The following DHX57 variants were observed in gnomAD, a reference collection of about 807,000 sequenced individuals.
The protein encoded by DHX57 is putative ATP-dependent RNA helicase DHX57.
Under a neutral mutation model 156.2 loss-of-function variants are expected in DHX57, and 105 were observed. That is an observed-to-expected ratio of 0.67 (90% CI 0.57 to 0.79). DHX57 has a LOEUF of 0.79. Among genes scored for constraint, DHX57 ranks in the 30% least tolerant of loss-of-function variants. The pLI is 0.00. For missense variants in DHX57, 1,847 were observed against 1,661.9 expected (o/e 1.11, Z -1.94); for synonymous variants, 704 against 595.6 (o/e 1.18, Z -2.65).
In DHX57 at chr2:38,868,286, G is replaced by A. The variant is rs772879942; in HGVS notation, c.120C>T (p.Gly40=). The change falls in exon 2 of 24, where the codon GGC becomes GGT. Residue 40 remains glycine, a synonymous_variant. Coordinates refer to ENST00000457308, the MANE Select transcript of DHX57 (RefSeq NM_198963.3). ...CGCCACCTCCACCACCACCACCACC[G>A]CCACCGCCACCACTCCCATGAGATT... The part of the protein sequence containing the change: ...ASKSHGSGGG[G]GGGGGGGGGN... The A allele has an allele frequency of 2.9e-5, 33 of 1,120,122 alleles. No homozygotes were observed. Among genetic ancestry groups the A allele is most frequent in the Non-Finnish European group, 3.7e-5 (29 of 794,508 alleles). The allele number at this position is 1,120,122 out of a possible 1,614,324, so 69.4% of individuals were successfully genotyped here.
At position 38,860,968 on chromosome 2, in the gene DHX57, C is replaced by G. The variant is rs768656550; in HGVS notation, c.1411+31G>C. 84 of 1,573,484 alleles carry G rather than the reference C, an allele frequency of 5.3e-5. No individual in the cohort carries two copies. The South Asian group carries it at 8.2e-4, about 15-fold the overall frequency. Reference sequence around the variant, plus strand: ...ACTTCTAAACCCATCATTCTGAATGCCTCCCTCCACAAGATCAATGCCTTA... The same window carrying G: ...ACTTCTAAACCCATCATTCTGAATGGCTCCCTCCACAAGATCAATGCCTTA... On this transcript the variant is annotated intron_variant, in intron 5 of 23. Transcript: ENST00000457308.
chr2:38,874,446 G>A (rs1665506887), intron 1 of DHX57, among the ~76,000 whole-genome samples: 1 of 111,868 alleles, frequency 8.9e-6, no homozygotes, highest in Non-Finnish European at 1.7e-5. Context: ...GTCTCACTCT[G>A]TCGCCCAGGC....
chr2:38,813,514 G>A (rs1670377427), intron 21 of DHX57, among the ~76,000 whole-genome samples: 2 of 151,736 alleles, frequency 1.3e-5, no homozygotes, highest in Admixed American at 6.6e-5. Context: ...GGGACTACAG[G>A]TGCCCGCCAC....
chr2:38,811,564 T>A, intron 21 of DHX57: 1 of 1,297,744 alleles, frequency 7.7e-7, no homozygotes, highest in African/African-American at 1.5e-5. Flanking sequence ...TAGGCAATAA[T>A]GTCATAGCCT....
intron 12 of DHX57, among the ~76,000 whole-genome samples, chr2:38,839,596 C>T (rs1671871309): frequency 6.6e-6 from 1 of 151,400 alleles, no homozygotes; most frequent in African/African-American, 2.4e-5. Context: ...TGGTGGGTGC[C>T]TGTAATCCCA....
At chr2:38,798,584 C>T in intron 23 of DHX57, 142 bp from the exon 24 acceptor site, 1 of 926,574 alleles carries the variant, frequency 1.1e-6, no homozygotes, top group Non-Finnish European at 1.6e-6. Context: ...ACCCTAAATA[C>T]ATTTTCATTT....
intron 1 of DHX57, among the ~76,000 whole-genome samples, chr2:38,872,796 C>T (rs542832997): frequency 1.4e-4 from 21 of 151,960 alleles, no homozygotes; most frequent in Non-Finnish European, 2.9e-4. Flanking sequence ...ACTACAGTAC[C>T]TCACTTTTAA....
At chr2:38,872,658 G>A (rs1429116787) in intron 1 of DHX57, among the ~76,000 whole-genome samples, 1 of 152,192 alleles carries the variant, frequency 6.6e-6, no homozygotes, top group Non-Finnish European at 1.5e-5. Context: ...TGATAAAAGG[G>A]TTAATCTGCC....
chr2:38,804,195 A>C (rs115691328), intron 22 of DHX57, among the ~76,000 whole-genome samples: 1 of 152,120 alleles, frequency 6.6e-6, no homozygotes, highest in Non-Finnish European at 1.5e-5. Context: ...GTGATCTTTT[A>C]AAAACATAAG....
intron 13 of DHX57, among the ~76,000 whole-genome samples, chr2:38,834,157 C>A (rs2124844440): frequency 6.6e-6 from 1 of 151,938 alleles, no homozygotes; most frequent in East Asian, 1.9e-4. Flanking sequence ...CGGTGAAACT[C>A]CATCTCTACT....
At chr2:38,819,902 G>C (rs890182435) in intron 17 of DHX57, among the ~76,000 whole-genome samples, 1 of 152,158 alleles carries the variant, frequency 6.6e-6, no homozygotes. Flanking sequence ...ATGTTTACAA[G>C]TCTTCCTTTT....
intron 17 of DHX57, among the ~76,000 whole-genome samples, chr2:38,822,504 C>T (rs1171947604): frequency 6.6e-6 from 1 of 152,076 alleles, no homozygotes; most frequent in Non-Finnish European, 1.5e-5. Flanking sequence ...AGCGATTCTC[C>T]TGCATTAGCC....
chr2:38,855,354 T>A lies in DHX57; in HGVS notation c.1710-102A>T. 9 of 1,272,914 alleles carry A rather than the reference T, an allele frequency of 7.1e-6. No homozygotes were observed. The South Asian group carries it at 8.6e-5, about 12-fold the overall frequency. The allele number at this position is 1,272,914 out of a possible 1,614,324, so 78.9% of individuals were successfully genotyped here. On this transcript the variant is annotated intron_variant, in intron 7 of 23. Coordinates refer to ENST00000457308, the MANE Select transcript of DHX57 (RefSeq NM_198963.3). ...AGAAAAGTGATAAAGCTAATTAGAA[T>A]AAAAGTTGTTCAGTTTCAGGTATTT... is the stretch of plus-strand genomic sequence containing the variant.
intron 13 of DHX57, 74 bp from the exon 14 acceptor site, chr2:38,828,510 AAG>A: frequency 9.4e-7 from 1 of 1,064,586 alleles, no homozygotes; most frequent in Admixed American, 2.6e-5. Context: ...TTTTTTAAAA[AAG>A]AATATGATAA....
Position 38,798,324 on chromosome 2 carries a change from A to G in DHX57, c.4136T>C (p.Ile1379Thr), listed in dbSNP as rs1669487815. ...CPRGSRIIST[I>T]VKLVTTQ ...TTATTGTGTGGTGACAAGTTTCACA[A>G]TTGTGCTGATGATCCGGGATCCTCG... is the stretch of plus-strand genomic sequence containing the variant. The change falls in exon 24 of 24, where the codon ATT (isoleucine) becomes ACT (threonine). Residue 1379 changes from isoleucine to threonine, a missense_variant. Coordinates refer to ENST00000457308, the MANE Select transcript of DHX57 (RefSeq NM_198963.3). 8 of 1,613,326 alleles carry G rather than the reference A, an allele frequency of 5.0e-6. No individual in the cohort carries two copies. Among genetic ancestry groups the G allele is most frequent in the African/African-American group, 1.3e-5 (1 of 74,868 alleles).
At chr2:38,845,544 C>G (rs935808948) in intron 11 of DHX57, among the ~76,000 whole-genome samples, 4 of 152,090 alleles carry the variant, frequency 2.6e-5, no homozygotes, top group African/African-American at 4.8e-5. Context: ...GTGTTTCATT[C>G]TAGAGCTCAG....
At position 38,868,337 on chromosome 2, in the gene DHX57, T is replaced by C; in HGVS notation, c.69A>G (p.Gly23=). The part of the protein sequence containing the change: ...KGGGKGSSRG[G]RGGRSHASKS... ...TACTGGCGTGACTCCTGCCTCCTCT[T>C]CCTCCTCTAGAAGACCCTTTTCCAC... The change falls in exon 2 of 24, where the codon GGA becomes GGG. Residue 23 remains glycine, a synonymous_variant. Coordinates refer to ENST00000457308, the MANE Select transcript of DHX57 (RefSeq NM_198963.3). The C allele has an allele frequency of 6.2e-7, 1 of 1,613,884 alleles. No individual in the cohort carries two copies. The highest frequency in any genetic ancestry group is 8.5e-7 in the Non-Finnish European group (1 of 1,180,020).
At chr2:38,858,547 G>C in intron 6 of DHX57, 114 bp downstream of exon 6, 1 of 1,382,510 alleles carries the variant, frequency 7.2e-7, no homozygotes, top group Non-Finnish European at 9.7e-7. Flanking sequence ...TGACCACTCA[G>C]GGAGAAAAAG....
intron 2 of DHX57, among the ~76,000 whole-genome samples, chr2:38,864,176 G>A (rs1664921974): frequency 6.7e-6 from 1 of 148,852 alleles, no homozygotes; most frequent in African/African-American, 2.5e-5. Flanking sequence ...AAACCACTGA[G>A]TTTCATTCTT....
Sources: gnomAD v4.1 joint callset for allele counts (sites outside exome capture counted in the v4.1 genomes callset) on GRCh38, gnomAD v4.1.1 for gene constraint, MANE v1.5 for transcripts, NCBI Gene and HGNC (gene_info 2026-07-23, HGNC 2026-07-21) for gene names.